The following NSMF variants were observed in gnomAD, a reference collection of about 807,000 sequenced individuals.
NSMF encodes the protein nasal embryonic LHRH factor.
NSMF carries 31 observed loss-of-function variants against 71.0 expected under a neutral mutation model. The ratio of observed to expected loss-of-function variants is 0.44; its 90% CI spans 0.33 to 0.59. The LOEUF is 0.59. Among genes scored for constraint, NSMF ranks in the 20% least tolerant of loss-of-function variants. The pLI, the probability that NSMF is intolerant of heterozygous loss-of-function variation, is 0.04. For synonymous variants in NSMF, 345 were observed against 287.1 expected (o/e 1.20, Z -2.04); for missense variants, 673 against 740.5 (o/e 0.91, Z 1.06).
At chr9:137,455,361 A>AGG in intron 5 of NSMF, 54 bp from the exon 6 acceptor site, 1 of 1,587,302 alleles carries the variant, frequency 6.3e-7, no homozygotes, top group Middle Eastern at 1.7e-4. Flanking sequence ...GGAGGGACAC[A>AGG]GACGTCGGGA....
At chr9:137,450,917 G>C (rs1236136031) in intron 12 of NSMF, among the ~76,000 whole-genome samples, 1 of 14,866 alleles carries the variant, frequency 6.7e-5, no homozygotes, top group African/African-American at 4.5e-4. Context: ...TCTTCCCCTT[G>C]ATCTCCCCCT....
At chr9:137,456,579 G>T (rs771096969) in intron 3 of NSMF, 93 bp from the exon 4 acceptor site, 4 of 854,630 alleles carry the variant, frequency 4.7e-6, no homozygotes, top group Non-Finnish European at 8.0e-6. Context: ...CTGGGTCCAG[G>T]GGTCAGCAGA....
Position 137,457,605 on chromosome 9 carries a change from C to A in NSMF, c.430G>T (p.Gly144Cys). ...CTGCTGACGTCCTCCCGGCTGCCAC[C>A]AGGGCTGGCGCGCAGGGGCTGGCTG... ...HHSQPLRASPGGSREDVSRPC... is the reference protein window; with the variant it reads ...HHSQPLRASPCGSREDVSRPC... Residue 144 changes from glycine to cysteine, a missense_variant, in exon 3 of 16, where the codon GGT (glycine) becomes TGT (cysteine). Physicochemically the swap from Gly to Cys is radical, Grantham distance 159 (BLOSUM62 -3). Coordinates refer to ENST00000371475, the MANE Select transcript of NSMF (RefSeq NM_001130969.3). The A allele has an allele frequency of 6.4e-7, 1 of 1,555,026 alleles. No homozygotes were observed. The highest frequency in any genetic ancestry group is 8.7e-7 in the Non-Finnish European group (1 of 1,149,476).
rs149003081 is a variant in NSMF at position 137,458,510 on chromosome 9, G to A, written c.111C>T (p.His37=). 7 of 1,597,060 alleles carry A rather than the reference G, an allele frequency of 4.4e-6. No individual in the cohort carries two copies. The African/African-American group carries it at 6.7e-5, about 15-fold the overall frequency. ...TACCTGCGCCGTTGCGGTTCTCAGGGTGACTCTGGGACAGGTACTCTCCAA... is the reference window on the plus strand; with the variant it reads ...TACCTGCGCCGTTGCGGTTCTCAGGATGACTCTGGGACAGGTACTCTCCAA... ...RAFGEYLSQS[H]PENRNGADHL... The change falls in exon 2 of 16, where the codon CAC becomes CAT. Residue 37 remains histidine, a synonymous_variant. Transcript: ENST00000371475.
intron 4 of NSMF, among the ~76,000 whole-genome samples, chr9:137,456,169 G>A (rs1830820801): frequency 6.6e-6 from 1 of 151,478 alleles, no homozygotes; most frequent in Non-Finnish European, 1.5e-5. Context: ...GAGCTCATCA[G>A]CTGCAGCCCT....
At position 137,453,857 on chromosome 9, in the gene NSMF, G is replaced by A; in HGVS notation, c.833-37C>T. 6.5e-7 allele frequency: 1 copy of A among 1,534,278 alleles called. No homozygotes were observed. Among genetic ancestry groups the A allele is most frequent in the Non-Finnish European group, 8.8e-7 (1 of 1,140,218 alleles). On this transcript the variant is annotated intron_variant, in intron 7 of 15. Coordinates refer to ENST00000371475, the MANE Select transcript of NSMF (RefSeq NM_001130969.3). The surrounding 1 kb of genome is among the most constrained non-coding windows in gnomAD (Gnocchi z 4.5). ...AAAACCCGCATTAGCGAGCGGGTGG[G>A]GCGGGGCCTCGGGAGTCTCAGACCC...
chr9:137,453,593 C>T lies in NSMF; in HGVS notation c.922+138G>A, dbSNP rs1012580404. ...TGCGATCGGAGATGCTGAGGGCGTC[C>T]CCATCTCACAAACAGGTAAACCAAG... On this transcript the variant is annotated intron_variant, in intron 8 of 15. Coordinates refer to ENST00000371475, the MANE Select transcript of NSMF (RefSeq NM_001130969.3). The surrounding 1 kb of genome is among the most constrained non-coding windows in gnomAD (Gnocchi z 4.5). The T allele has an allele frequency of 4.4e-6, 3 of 678,914 alleles. No homozygotes were observed. Among genetic ancestry groups the T allele is most frequent in the African/African-American group, 3.6e-5 (2 of 55,192 alleles). The allele number at this position is 678,914 out of a possible 1,614,324, so 42.1% of individuals were successfully genotyped here.
At chr9:137,456,538 C>T (rs1430314613) in intron 3 of NSMF, 52 bp from the exon 4 acceptor site, 3 of 1,234,834 alleles carry the variant, frequency 2.4e-6, no homozygotes, top group Admixed American at 1.7e-5. Context: ...GTTCCTGAAG[C>T]CTCTCCCTCC....
Position 137,450,103 on chromosome 9 carries a change from G to A in NSMF, c.1316+73C>T, listed in dbSNP as rs376796984. The A allele has an allele frequency of 2.8e-5, 44 of 1,585,208 alleles. 1 individual carries two copies. In the East Asian group the frequency reaches 6.7e-4, roughly 24 times the overall value. ...CAGAGCGGACCGTGGAGGAGGGGCT[G>A]TGGGGGAGGGACATGCCAGGGCCTG... is the stretch of plus-strand genomic sequence containing the variant. On this transcript the variant is annotated intron_variant, in intron 13 of 15. Transcript: ENST00000371475.
chr9:137,458,543 G>C lies in NSMF; in HGVS notation c.78C>G (p.Ala26=). 6.3e-7 allele frequency: 1 copy of C among 1,596,786 alleles called. No individual in the cohort carries two copies. Among genetic ancestry groups the C allele is most frequent in the Non-Finnish European group, 8.5e-7 (1 of 1,173,554 alleles). ...MSSVAAKVRA[A]RAFGEYLSQS... ...GGGACAGGTACTCTCCAAACGCTCG[G>C]GCTGCTCTGAGGGTGGACAGAGGGC... is the stretch of plus-strand genomic sequence containing the variant. The change falls in exon 2 of 16, where the codon GCC becomes GCG. Residue 26 remains alanine (A), a synonymous_variant. Coordinates refer to ENST00000371475, the MANE Select transcript of NSMF (RefSeq NM_001130969.3).
At chr9:137,455,713 C>T (rs1490483916) in intron 4 of NSMF, 79 bp from the exon 5 acceptor site, 28 of 1,478,074 alleles carry the variant, frequency 1.9e-5, no homozygotes, top group Non-Finnish European at 2.5e-5. Flanking sequence ...CAGCCCCCAC[C>T]CGGTCCCTAC....
rs1412049948 is a variant in NSMF at position 137,459,231 on chromosome 9, CGGGCTT to C, written c.-135_-130del. The C allele has an allele frequency of 3.2e-6, 2 of 628,896 alleles. No homozygotes were observed. The highest frequency in any genetic ancestry group is 2.0e-5 in the African/African-American group (1 of 50,464). 39.0% of individuals were successfully genotyped at this position (628,896 alleles called of 1,614,324 possible). A position where few individuals can be genotyped will look rare whatever the true frequency, so the allele number is the denominator to read the frequency against. On this transcript the variant is annotated 5_prime_UTR_variant, in exon 1 of 16. Coordinates refer to ENST00000371475, the MANE Select transcript of NSMF (RefSeq NM_001130969.3). ...TCGGGGTCTCGCTCGGGCTCCGGCT[CGGGCTT>C]GGGCTCGGGGTCGGGCTCGGGGTCG...
chr9:137,453,553 T>C lies in NSMF; in HGVS notation c.922+178A>G. The C allele has an allele frequency of 1.6e-6, 1 of 623,414 alleles. No individual in the cohort carries two copies. The highest frequency in any genetic ancestry group is 2.8e-6 in the Non-Finnish European group (1 of 360,746). The allele number at this position is 623,414 out of a possible 1,614,324, so 38.6% of individuals were successfully genotyped here. A position where few individuals can be genotyped will look rare whatever the true frequency, so the allele number is the denominator to read the frequency against. On this transcript the variant is annotated intron_variant, in intron 8 of 15. Coordinates refer to ENST00000371475, the MANE Select transcript of NSMF (RefSeq NM_001130969.3). The surrounding 1 kb of genome is among the most constrained non-coding windows in gnomAD (Gnocchi z 4.5). ...CCCCGGCCAGCACTGCCGCGGCCGTTGTTAGCCCCGCCTTTGCGATCGGAG... is the reference window on the plus strand; with the variant it reads ...CCCCGGCCAGCACTGCCGCGGCCGTCGTTAGCCCCGCCTTTGCGATCGGAG...
In NSMF at chr9:137,449,110, C is replaced by G. The variant is rs1839763640; in HGVS notation, c.*284G>C. 1.8e-6 allele frequency: 1 copy of G among 566,030 alleles called. No individual in the cohort carries two copies. 35.1% of individuals were successfully genotyped at this position (566,030 alleles called of 1,614,324 possible). A position where few individuals can be genotyped will look rare whatever the true frequency, so the allele number is the denominator to read the frequency against. On this transcript the variant is annotated 3_prime_UTR_variant, in exon 16 of 16. Coordinates refer to ENST00000371475, the MANE Select transcript of NSMF (RefSeq NM_001130969.3). The stretch of plus-strand genomic sequence containing the variant: ...TATGAACCCCATGGAGGGATGCCCA[C>G]AGCTGAGCCTCCAGGCGAGGCATGG...
rs1830650564 is a variant in NSMF, at chr9:137,453,452, G to A, written c.923-272C>T. ...CCAAGTCCGCCGGGCGCCTGGGAGG[G>A]AGTGGGGGCGGGCACCGCAGCCCCC... On this transcript the variant is annotated intron_variant, in intron 8 of 15. Coordinates refer to ENST00000371475, the MANE Select transcript of NSMF (RefSeq NM_001130969.3). This position sits in a 1 kb window ranked among gnomAD's most constrained non-coding sequence, Gnocchi z 4.5. 6.6e-6 allele frequency: 4 copies of A among 604,722 alleles called. No homozygotes were observed. Among genetic ancestry groups the A allele is most frequent in the Non-Finnish European group, 1.2e-5 (4 of 343,966 alleles). 37.5% of individuals were successfully genotyped at this position (604,722 alleles called of 1,614,324 possible).
rs1386458232 is a variant in NSMF at position 137,449,992 on chromosome 9, T to C, written c.1350A>G (p.Lys450=). 3.1e-6 allele frequency: 5 copies of C among 1,613,074 alleles called. No individual in the cohort carries two copies. The South Asian group carries it at 4.4e-5, about 14-fold the overall frequency. The change falls in exon 14 of 16, where the codon AAA becomes AAG. Residue 450 remains lysine, a synonymous_variant. Transcript: ENST00000371475. The part of the protein sequence containing the change: ...FWKRLSRLMS[K]VNPEPNVIHI... ...GGATGACGTTCGGCTCTGGGTTCACTTTGCTCATCAGGCGGCTCAGCCGCT... is the reference window on the plus strand; with the variant it reads ...GGATGACGTTCGGCTCTGGGTTCACCTTGCTCATCAGGCGGCTCAGCCGCT...
At chr9:137,454,583 C>T (rs1482229593) in intron 6 of NSMF, 140 bp from the exon 7 acceptor site, 2 of 1,547,134 alleles carry the variant, frequency 1.3e-6, no homozygotes, top group East Asian at 2.4e-5. Context: ...CCTGGCACCA[C>T]CTCCCACCCA....
intron 3 of NSMF, 116 bp from the exon 4 acceptor site, chr9:137,456,602 G>T: frequency 1.4e-6 from 1 of 710,524 alleles, no homozygotes. Context: ...CTGGCAGCCA[G>T]GGCGGGTGGG....
In NSMF at chr9:137,449,505, G is replaced by A. The variant is rs576432496; in HGVS notation, c.1496-14C>T. On this transcript the variant is annotated splice_polypyrimidine_tract_variant and intron_variant, in intron 15 of 15. Coordinates refer to ENST00000371475, the MANE Select transcript of NSMF (RefSeq NM_001130969.3). ...TCATCTGCTTCCCTGGGCGGAGCGG[G>A]GGCAGGAGGCTCAGGCCTGGCCGGC... The A allele has an allele frequency of 3.7e-5, 59 of 1,612,564 alleles. No individual in the cohort carries two copies. Among genetic ancestry groups the A allele is most frequent in the Non-Finnish European group, 4.9e-5 (58 of 1,179,660 alleles).
Sources: allele counts gnomAD v4.1 joint callset (sites outside exome capture counted in the v4.1 genomes callset), GRCh38; gene constraint gnomAD v4.1.1; non-coding constraint Gnocchi (gnomAD v3.1); transcripts MANE v1.5; gene names NCBI Gene and HGNC (gene_info 2026-07-23, HGNC 2026-07-21).